Variants in RBM44 observed in about 807,000 individuals in gnomAD.
The protein encoded by RBM44 is RNA-binding protein 44.
In RBM44, 66 loss-of-function variants were observed where a neutral mutation model predicts 105.1. The ratio of observed to expected loss-of-function variants is 0.63; its 90% CI spans 0.52 to 0.77. RBM44 has a LOEUF of 0.77. Among genes scored for constraint, RBM44 ranks in the 30% least tolerant of loss-of-function variants. RBM44 has a pLI of 0.00. For synonymous variants in RBM44, 365 were observed against 417.6 expected, an observed-to-expected ratio of 0.87 and a Z score of 1.54; for missense variants, 1,122 against 1,207.8, an observed-to-expected ratio of 0.93 and a Z score of 1.05.
chr2:237,829,161 T>C (rs2061878366), intron 12 of RBM44, 56 bp from the exon 13 acceptor site: 1 of 1,366,774 alleles, frequency 7.3e-7, no homozygotes, highest in East Asian at 2.4e-5. Context: ...CAAAATTAAG[T>C]TTGATGTAAT....
intron 1 of RBM44, among the ~76,000 whole-genome samples, chr2:237,807,031 C>T (rs1002975435): frequency 6.6e-6 from 1 of 152,042 alleles, no homozygotes; most frequent in African/African-American, 2.4e-5. Flanking sequence ...AATAGTTTGT[C>T]TTTAAATCAA....
At chr2:237,802,427 G>A (rs1576493225) in intron 1 of RBM44, among the ~76,000 whole-genome samples, 1 of 152,178 alleles carries the variant, frequency 6.6e-6, no homozygotes, top group African/African-American at 2.4e-5. Flanking sequence ...GTTTCAGCTT[G>A]AAGCCACTAC....
At chr2:237,802,684 T>C (rs2061557437) in intron 1 of RBM44, among the ~76,000 whole-genome samples, 1 of 152,198 alleles carries the variant, frequency 6.6e-6, no homozygotes, top group African/African-American at 2.4e-5. Flanking sequence ...CCTGTTGTGC[T>C]TCATAGAGCC....
intron 8 of RBM44, among the ~76,000 whole-genome samples, chr2:237,822,469 G>A (rs2061803337): frequency 6.6e-6 from 1 of 152,052 alleles, no homozygotes; most frequent in Non-Finnish European, 1.5e-5. Context: ...CTGGGGTTTA[G>A]TCTGCTTTTC....
At chr2:237,811,996 A>T (rs1427302700) in intron 1 of RBM44, among the ~76,000 whole-genome samples, 1 of 152,184 alleles carries the variant, frequency 6.6e-6, no homozygotes, top group Non-Finnish European at 1.5e-5. Context: ...TTGGGACTAC[A>T]GGCACATGCC....
chr2:237,817,463 G>A lies in RBM44; in HGVS notation c.544G>A (p.Glu182Lys), dbSNP rs2061732094. 2 of 1,601,320 alleles carry A rather than the reference G, an allele frequency of 1.2e-6. No individual in the cohort carries two copies. The highest frequency in any genetic ancestry group is 2.2e-5 in the South Asian group (2 of 89,606). Reference sequence around the variant, plus strand: ...AGATACACAAAAGCATGATACAGATGAAGACTCACAGCAGGAATATCACAG... The same window carrying A: ...AGATACACAAAAGCATGATACAGATAAAGACTCACAGCAGGAATATCACAG... ...AEDTQKHDTDEDSQQEYHSAE... is the reference protein window; with the variant it reads ...AEDTQKHDTDKDSQQEYHSAE... Residue 182 changes from glutamate to lysine, a missense_variant, in exon 3 of 16, where the codon GAA (glutamate) becomes AAA (lysine). Coordinates refer to ENST00000316997, the MANE Select transcript of RBM44 (RefSeq NM_001080504.3).
chr2:237,839,532 G>A (rs1384683339), intron 15 of RBM44, among the ~76,000 whole-genome samples: 3 of 151,696 alleles, frequency 2.0e-5, no homozygotes, highest in Non-Finnish European at 4.4e-5. Context: ...GCCTCCCAAA[G>A]TGCTAGGATT....
intron 2 of RBM44, 76 bp from the exon 3 acceptor site, chr2:237,816,917 A>G (rs2061723959): frequency 3.3e-6 from 3 of 895,612 alleles, no homozygotes; most frequent in Middle Eastern, 3.5e-4. Flanking sequence ...AGCTTAAACC[A>G]GATCATGTCT....
rs1385380101 is a variant in RBM44 at position 237,818,863 on chromosome 2, A to G, written c.1678-38A>G. The G allele has an allele frequency of 1.8e-6, 2 of 1,138,890 alleles. No individual in the cohort carries two copies. Among genetic ancestry groups the G allele is most frequent in the African/African-American group, 1.6e-5 (1 of 63,644 alleles). 70.5% of individuals were successfully genotyped at this position (1,138,890 alleles called of 1,614,324 possible). ...ATTTTATTAGTTTGGAATTTCAGAT[A>G]TAACTTTTTTAAATTTAATTTTAAA... is the stretch of plus-strand genomic sequence containing the variant. On this transcript the variant is annotated intron_variant, in intron 3 of 15. Coordinates refer to ENST00000316997, the MANE Select transcript of RBM44 (RefSeq NM_001080504.3). The surrounding 1 kb of genome is among the most constrained non-coding windows in gnomAD (Gnocchi z 4.6).
Position 237,829,315 on chromosome 2 carries a change from C to T in RBM44, c.2699C>T (p.Pro900Leu), listed in dbSNP as rs964397464. The T allele has an allele frequency of 1.9e-6, 3 of 1,613,148 alleles. No homozygotes were observed. Among genetic ancestry groups the T allele is most frequent in the Non-Finnish European group, 2.5e-6 (3 of 1,179,300 alleles). The part of the protein sequence containing the change: ...EINGKSVNVW[P>L]VKILGEYTSP... ...AATGGAAAGTCAGTAAATGTGTGGC[C>T]TGTTAAAATTCTTGGAGAATATACA... Residue 900 changes from proline to leucine, a missense_variant, in exon 13 of 16, where the codon CCT becomes CTT. Pro to Leu is a moderately conservative substitution (Grantham distance 98). Coordinates refer to ENST00000316997, the MANE Select transcript of RBM44 (RefSeq NM_001080504.3).
intron 15 of RBM44, among the ~76,000 whole-genome samples, chr2:237,836,726 G>A (rs989115023): frequency 1.3e-5 from 2 of 150,624 alleles, no homozygotes; most frequent in East Asian, 3.9e-4. Context: ...GTTGCAGTGA[G>A]CTGAGATTGC....
chr2:237,820,145 CTTACCTGATCCTAT>C lies in RBM44; in HGVS notation c.1737-29_1737-16del. On this transcript the variant is annotated splice_polypyrimidine_tract_variant and intron_variant, in intron 4 of 15. Coordinates refer to ENST00000316997, the MANE Select transcript of RBM44 (RefSeq NM_001080504.3). ...ATTACTATAGAAAAATGTTTGGAAT[CTTACCTGATCCTAT>C]CTTTTATTTTTAAAGGGAATTTCAA... is the stretch of plus-strand genomic sequence containing the variant. 1 of 1,315,056 alleles carries C rather than the reference CTTACCTGATCCTAT, an allele frequency of 7.6e-7. No individual in the cohort carries two copies. The highest frequency in any genetic ancestry group is 1.0e-6 in the Non-Finnish European group (1 of 980,248). 81.5% of individuals were successfully genotyped at this position (1,315,056 alleles called of 1,614,324 possible).
chr2:237,836,282 A>C (rs896366518), intron 15 of RBM44, among the ~76,000 whole-genome samples: 7 of 152,260 alleles, frequency 4.6e-5, no homozygotes, highest in African/African-American at 1.7e-4. Flanking sequence ...ATGACAACAC[A>C]TCTGTTTATA....
At chr2:237,801,302 C>T (rs970412684) in intron 1 of RBM44, among the ~76,000 whole-genome samples, 1 of 152,076 alleles carries the variant, frequency 6.6e-6, no homozygotes, top group Non-Finnish European at 1.5e-5. Context: ...AGCCTCCAGC[C>T]TGGGCAACAG....
At chr2:237,826,608 A>G (rs1302853302) in intron 10 of RBM44, among the ~76,000 whole-genome samples, 1 of 152,158 alleles carries the variant, frequency 6.6e-6, no homozygotes, top group East Asian at 1.9e-4. Context: ...TCAGACCACT[A>G]GCTCTAGCCA....
chr2:237,799,314 C>T (rs62196080), intron 1 of RBM44: 6,932 of 152,406 alleles, frequency 0.045, 183 homozygotes, highest in Middle Eastern at 0.13. Context: ...CGTAGGACGC[C>T]CTGGAGGACG....
intron 1 of RBM44, among the ~76,000 whole-genome samples, chr2:237,813,100 C>T (rs1432725709): frequency 1.3e-5 from 2 of 152,168 alleles, no homozygotes; most frequent in Admixed American, 1.3e-4. Flanking sequence ...CCCCCATGCC[C>T]ATTTATAGCT....
intron 15 of RBM44, among the ~76,000 whole-genome samples, chr2:237,835,794 G>A (rs1220804683): frequency 2.0e-5 from 3 of 150,668 alleles, no homozygotes; most frequent in Non-Finnish European, 4.4e-5. Context: ...AGATTTTGGT[G>A]CACCCATCGC....
intron 4 of RBM44, 136 bp downstream of exon 4, chr2:237,819,095 G>T: frequency 2.3e-6 from 1 of 443,026 alleles, no homozygotes. Flanking sequence ...TCAACCGTTT[G>T]CATTCAAATA....
Sources: gnomAD v4.1 joint callset for allele counts (sites outside exome capture counted in the v4.1 genomes callset) on GRCh38, gnomAD v4.1.1 for gene constraint, Gnocchi (gnomAD v3.1) non-coding constraint, MANE v1.5 for transcripts, NCBI Gene and HGNC (gene_info 2026-07-23, HGNC 2026-07-21) for gene names.